The following OXR1 variants were observed in gnomAD, a reference collection of about 807,000 sequenced individuals.
OXR1 encodes the protein oxidation resistance protein 1.
In OXR1, 41 loss-of-function variants were observed where a neutral mutation model predicts 104.6. The observed-to-expected ratio is 0.39, with a 90% CI of 0.31 to 0.51. OXR1 has a LOEUF of 0.51. OXR1 is among the 20% of genes least tolerant of loss of function. The pLI, the probability that OXR1 is intolerant of heterozygous loss-of-function variation, is 0.77. For synonymous variants in OXR1, 348 were observed against 348.4 expected (o/e 1.00, Z 0.01); for missense variants, 955 against 1,031.9 (o/e 0.93, Z 1.02).
At chr8:106,594,623 G>C (rs1819370860) in intron 3 of OXR1, among the ~76,000 whole-genome samples, 1 of 152,148 alleles carries the variant, frequency 6.6e-6, no homozygotes, top group South Asian at 2.1e-4. Flanking sequence ...AGCAAGTTTA[G>C]TTGAAAATAA....
chr8:106,297,665 C>G (rs1443012025), intron 1 of OXR1, among the ~76,000 whole-genome samples: 1 of 152,164 alleles, frequency 6.6e-6, no homozygotes, highest in East Asian at 1.9e-4. Flanking sequence ...ACATAGTTGA[C>G]TAAAATGTCA....
chr8:106,730,056 CCTAA>C lies in OXR1; in HGVS notation c.1957-7461_1957-7458del, dbSNP rs137995121. Among the ~76,000 whole-genome samples the C allele has an allele frequency of 2.0e-3, 297 of 152,010 alleles. 4 individuals carry two copies. The highest frequency in any genetic ancestry group is 6.9e-3 in the African/African-American group (285 of 41,428). On this transcript the variant is annotated intron_variant, in intron 11 of 16. Transcript: ENST00000517566. ...TCTGGATTTTTTGTTTTATTATCCC[CCTAA>C]CTTTTTTTAATTATAATAGATTTCA...
intron 9 of OXR1, among the ~76,000 whole-genome samples, chr8:106,710,240 GTTA>G (rs1187027528): frequency 6.6e-6 from 1 of 151,972 alleles, no homozygotes. Flanking sequence ...AACTTCTACA[GTTA>G]TTTAGATGTC....
At chr8:106,273,810 A>G (rs1811915510) in intron 1 of OXR1, among the ~76,000 whole-genome samples, 2 of 152,228 alleles carry the variant, frequency 1.3e-5, no homozygotes, top group Non-Finnish European at 2.9e-5. Context: ...AACAAACAAA[A>G]AATCTTAAGA....
At chr8:106,596,073 C>T (rs962404150) in intron 3 of OXR1, among the ~76,000 whole-genome samples, 28 of 151,670 alleles carry the variant, frequency 1.8e-4, no homozygotes, top group African/African-American at 4.4e-4. Context: ...TTATTCATTC[C>T]GTTTGTTCAA....
chr8:106,270,784 G>A (rs1811765886), intron 1 of OXR1, among the ~76,000 whole-genome samples: 2 of 152,110 alleles, frequency 1.3e-5, no homozygotes, highest in Admixed American at 6.5e-5. Flanking sequence ...TGGGGGCGCA[G>A]AGTGGAGGGC....
intron 2 of OXR1, among the ~76,000 whole-genome samples, chr8:106,501,700 G>C (rs190361615): frequency 6.6e-6 from 1 of 152,142 alleles, no homozygotes; most frequent in Admixed American, 6.5e-5. Context: ...TAAATAGTTC[G>C]TGTTTTAATG....
At chr8:106,624,228 A>C (rs1040842309) in intron 3 of OXR1, among the ~76,000 whole-genome samples, 1 of 152,236 alleles carries the variant, frequency 6.6e-6, no homozygotes, top group Non-Finnish European at 1.5e-5. Flanking sequence ...CTTTGATAAA[A>C]GGGCATAGTG....
At chr8:106,658,698 G>A (rs1241471079) in intron 3 of OXR1, among the ~76,000 whole-genome samples, 1 of 152,226 alleles carries the variant, frequency 6.6e-6, no homozygotes, top group African/African-American at 2.4e-5. Flanking sequence ...TTGGAAGCTA[G>A]TTGACATTTT....
chr8:106,277,542 G>A (rs1201360562), intron 1 of OXR1, among the ~76,000 whole-genome samples: 5 of 151,772 alleles, frequency 3.3e-5, no homozygotes, highest in Admixed American at 6.6e-5. Context: ...GTTTCTTGAG[G>A]AAAAAAAAGA....
chr8:106,388,848 C>CTGAT (rs1817486076), intron 2 of OXR1, among the ~76,000 whole-genome samples: 1 of 152,304 alleles, frequency 6.6e-6, no homozygotes, highest in Non-Finnish European at 1.5e-5. Flanking sequence ...GGCTGGAAAG[C>CTGAT]TGATAGTATA....
At chr8:106,302,468 C>G (rs1813279067) in intron 1 of OXR1, among the ~76,000 whole-genome samples, 1 of 151,560 alleles carries the variant, frequency 6.6e-6, no homozygotes, top group African/African-American at 2.4e-5. Flanking sequence ...CACCTGTAGT[C>G]CCAGCTACTC....
At chr8:106,711,136 A>C (rs566614374) in intron 10 of OXR1, among the ~76,000 whole-genome samples, 7 of 152,204 alleles carry the variant, frequency 4.6e-5, no homozygotes, top group Non-Finnish European at 8.8e-5. Context: ...AAATTCTTCA[A>C]ATATTCATTA....
intron 3 of OXR1, among the ~76,000 whole-genome samples, chr8:106,601,459 T>A (rs1819965815): frequency 1.3e-5 from 2 of 152,238 alleles, no homozygotes. Flanking sequence ...CATCTTTTCC[T>A]TGTATCCTCA....
rs541925718 is a variant in OXR1 at position 106,564,423 on chromosome 8, C to A, written c.220+45284C>A. ...TTCCTGGACACATACACACACACAC[C>A]CCCGCCCCACCACGACTAAAATCCC... is the stretch of plus-strand genomic sequence containing the variant. On this transcript the variant is annotated intron_variant, in intron 3 of 16. Transcript: ENST00000517566. Among the ~76,000 whole-genome samples the A allele has an allele frequency of 5.8e-4, 88 of 151,474 alleles. 1 individual carries two copies. The South Asian group carries it at 0.017, about 30-fold the overall frequency.
chr8:106,345,332 GTGT>G (rs1215354678), intron 1 of OXR1, among the ~76,000 whole-genome samples: 3 of 152,228 alleles, frequency 2.0e-5, no homozygotes, highest in African/African-American at 7.2e-5. Flanking sequence ...TAGGAGGGAT[GTGT>G]TGGGCAAAGC....
At chr8:106,740,781 G>GA (rs1490922734) in intron 14 of OXR1, among the ~76,000 whole-genome samples, 1 of 152,048 alleles carries the variant, frequency 6.6e-6, no homozygotes, top group Non-Finnish European at 1.5e-5. Context: ...TTAGAACCTA[G>GA]AAAAAGTGAG....
At chr8:106,626,224 TA>T (rs1822147044) in intron 3 of OXR1, among the ~76,000 whole-genome samples, 1 of 151,830 alleles carries the variant, frequency 6.6e-6, no homozygotes, top group African/African-American at 2.4e-5. Flanking sequence ...AAAAAATTTT[TA>T]AAAAGATATT....
intron 2 of OXR1, among the ~76,000 whole-genome samples, chr8:106,401,465 T>C (rs1406192090): frequency 6.6e-6 from 1 of 152,184 alleles, no homozygotes; most frequent in African/African-American, 2.4e-5. Context: ...TGCACTGTGA[T>C]TCACCTGTAG....
Sources: gnomAD v4.1 joint callset for allele counts (sites outside exome capture counted in the v4.1 genomes callset) on GRCh38, gnomAD v4.1.1 for gene constraint, MANE v1.5 for transcripts, NCBI Gene and HGNC (gene_info 2026-07-23, HGNC 2026-07-21) for gene names.